The following FAM168A variants were observed in gnomAD, a reference collection of about 807,000 sequenced individuals.
FAM168A encodes family with sequence similarity 168 member A.
FAM168A carries 3 observed loss-of-function variants against 28.5 expected under a neutral mutation model. The ratio of observed to expected loss-of-function variants is 0.11; its 90% CI spans 0.05 to 0.27. The LOEUF (loss-of-function observed/expected upper bound fraction) is 0.27. FAM168A is among the 10% of genes least tolerant of loss of function. The pLI is 1.00. For missense variants in FAM168A, 222 were observed against 311.5 expected (o/e 0.71, Z 2.16); for synonymous variants, 122 against 124.2 (o/e 0.98, Z 0.12).
intron 1 of FAM168A, among the ~76,000 whole-genome samples, chr11:73,513,873 G>C (rs937287322): frequency 1.3e-5 from 2 of 152,078 alleles, no homozygotes; most frequent in Non-Finnish European, 2.9e-5. Flanking sequence ...TCTGGCCCTT[G>C]GTTTACTCAT....
intron 2 of FAM168A, among the ~76,000 whole-genome samples, chr11:73,445,108 A>C (rs938408311): frequency 1.3e-5 from 2 of 152,000 alleles, no homozygotes; most frequent in Non-Finnish European, 2.9e-5. Flanking sequence ...AAAAGTACAA[A>C]ATTAGCTGGG....
intron 1 of FAM168A, among the ~76,000 whole-genome samples, chr11:73,539,769 C>G (rs1394004368): frequency 6.6e-6 from 1 of 152,184 alleles, no homozygotes; most frequent in Non-Finnish European, 1.5e-5. Context: ...ACAAATGTTA[C>G]CTAGAGATGA....
chr11:73,561,492 A>G (rs1436020132), intron 1 of FAM168A, among the ~76,000 whole-genome samples: 3 of 152,212 alleles, frequency 2.0e-5, no homozygotes, highest in East Asian at 1.9e-4. Context: ...TCTATTTTCA[A>G]TAGTACTCAG....
intron 1 of FAM168A, among the ~76,000 whole-genome samples, chr11:73,583,388 G>A (rs1322797154): frequency 6.6e-6 from 1 of 152,098 alleles, no homozygotes; most frequent in Non-Finnish European, 1.5e-5. Flanking sequence ...CTGTTAATAG[G>A]CCAGTTTGAA....
At chr11:73,525,440 T>C (rs1189246683) in intron 1 of FAM168A, among the ~76,000 whole-genome samples, 2 of 152,162 alleles carry the variant, frequency 1.3e-5, no homozygotes, top group East Asian at 1.9e-4. Flanking sequence ...AGACCTTCAC[T>C]AAATCCCTGT....
intron 1 of FAM168A, among the ~76,000 whole-genome samples, chr11:73,494,144 A>G (rs771744440): frequency 4.8e-4 from 73 of 152,160 alleles, no homozygotes; most frequent in Non-Finnish European, 9.3e-4. Flanking sequence ...GTACATATAC[A>G]TGTACATGTA....
At chr11:73,587,164 A>C (rs1034525316) in intron 1 of FAM168A, among the ~76,000 whole-genome samples, 9 of 146,720 alleles carry the variant, frequency 6.1e-5, no homozygotes, top group East Asian at 1.9e-4. Flanking sequence ...AAAAAAAAAA[A>C]AAAAAAAAAA....
chr11:73,409,695 T>C, intron 5 of FAM168A, 34 bp from the exon 6 acceptor site: 1 of 1,574,502 alleles, frequency 6.4e-7, no homozygotes, highest in Non-Finnish European at 8.6e-7. Context: ...CATAGGCATT[T>C]GGAGAGGTAG....
intron 3 of FAM168A, among the ~76,000 whole-genome samples, chr11:73,422,571 C>G (rs1055311597): frequency 1.3e-5 from 2 of 152,176 alleles, no homozygotes; most frequent in African/African-American, 4.8e-5. Context: ...AAGACAATCC[C>G]AACTGAAGCT....
At chr11:73,438,026 G>T (rs1565244295) in intron 2 of FAM168A, among the ~76,000 whole-genome samples, 1 of 152,004 alleles carries the variant, frequency 6.6e-6, no homozygotes, top group Admixed American at 6.6e-5. Flanking sequence ...ATTAAAAAAA[G>T]ATAATTAAGC....
chr11:73,522,764 G>C (rs934861640), intron 1 of FAM168A, among the ~76,000 whole-genome samples: 3 of 151,918 alleles, frequency 2.0e-5, no homozygotes, highest in Non-Finnish European at 2.9e-5. Flanking sequence ...TGTAATCCCA[G>C]CACTTTGGGA....
intron 1 of FAM168A, among the ~76,000 whole-genome samples, chr11:73,519,778 A>ATG (rs10567350): frequency 2.3e-4 from 35 of 150,138 alleles, no homozygotes; most frequent in East Asian, 2.2e-3. Flanking sequence ...CAGAGCATGT[A>ATG]TGTGTGTGTG....
At chr11:73,509,585 G>T (rs1855179278) in intron 1 of FAM168A, among the ~76,000 whole-genome samples, 1 of 152,124 alleles carries the variant, frequency 6.6e-6, no homozygotes, top group Admixed American at 6.5e-5. Context: ...GGGCAAAAAG[G>T]CAGACAGTTC....
At position 73,468,579 on chromosome 11, in the gene FAM168A, C is replaced by T. The variant is rs1867771243; in HGVS notation, c.-18-87G>A. The T allele has an allele frequency of 7.9e-6, 9 of 1,145,568 alleles. No individual in the cohort carries two copies. In the East Asian group the frequency reaches 2.0e-4, roughly 25 times the overall value. 71.0% of individuals were successfully genotyped at this position (1,145,568 alleles called of 1,614,324 possible). ...TCTCCTCCATAATCTTCAGTTTTCCCTGAAAGGAAAGCATCAGGGTGTAGT... is the reference window on the plus strand; with the variant it reads ...TCTCCTCCATAATCTTCAGTTTTCCTTGAAAGGAAAGCATCAGGGTGTAGT... On this transcript the variant is annotated intron_variant, in intron 1 of 7. Coordinates refer to ENST00000356467, the MANE Select transcript of FAM168A (RefSeq NM_015159.3).
chr11:73,456,700 A>T (rs1036018762), intron 2 of FAM168A, among the ~76,000 whole-genome samples: 2 of 152,268 alleles, frequency 1.3e-5, no homozygotes, highest in African/African-American at 2.4e-5. Context: ...CCACATAAAC[A>T]ACTACTGAGC....
chr11:73,571,801 G>A (rs1944093757), intron 1 of FAM168A, among the ~76,000 whole-genome samples: 1 of 151,604 alleles, frequency 6.6e-6, no homozygotes, highest in Non-Finnish European at 1.5e-5. Flanking sequence ...GAAGTGAGGA[G>A]TGCCTCTTCC....
chr11:73,503,039 A>G (rs575679630), intron 1 of FAM168A, among the ~76,000 whole-genome samples: 1 of 152,352 alleles, frequency 6.6e-6, no homozygotes, highest in South Asian at 2.1e-4. Context: ...CCCACAGCCA[A>G]TATCATACTC....
intron 2 of FAM168A, 84 bp downstream of exon 2, chr11:73,468,321 T>C: frequency 7.8e-7 from 1 of 1,279,354 alleles, no homozygotes; most frequent in Non-Finnish European, 1.1e-6. Context: ...CTTTTGGAGG[T>C]ATACGTTAGG....
At chr11:73,519,812 G>A (rs939728030) in intron 1 of FAM168A, among the ~76,000 whole-genome samples, 7 of 150,830 alleles carry the variant, frequency 4.6e-5, no homozygotes, top group African/African-American at 1.7e-4. Context: ...GTTTGTGTGT[G>A]TATACATATA....
Sources: allele counts gnomAD v4.1 joint callset (sites outside exome capture counted in the v4.1 genomes callset), GRCh38; gene constraint gnomAD v4.1.1; transcripts MANE v1.5; gene names NCBI Gene and HGNC (gene_info 2026-07-23, HGNC 2026-07-21).